Variants in CCDC7 observed in about 807,000 individuals in gnomAD.
CCDC7 encodes the protein coiled-coil domain-containing protein 7.
Under a neutral mutation model 196.9 loss-of-function variants are expected in CCDC7, and 183 were observed. The ratio of observed to expected loss-of-function variants is 0.93; its 90% CI spans 0.82 to 1.05. The LOEUF is 1.05. Among genes scored for constraint, CCDC7 ranks in the 50% least tolerant of loss-of-function variants. CCDC7 has a pLI of 0.00. For missense variants in CCDC7, 1,540 were observed against 1,482.2 expected, an observed-to-expected ratio of 1.04 and a Z score of -0.64; for synonymous variants, 525 against 484.6, an observed-to-expected ratio of 1.08 and a Z score of -1.10.
chr10:32,783,350 T>C (rs559615410), intron 29 of CCDC7, among the ~76,000 whole-genome samples: 1 of 152,200 alleles, frequency 6.6e-6, no homozygotes, highest in Non-Finnish European at 1.5e-5. Context: ...GCAAGTGATT[T>C]GAATAGACAT....
downstream of CCDC7, chr10:32,876,779 C>T (rs1557146): frequency 0.78 from 122,453 of 157,328 alleles, 48,492 homozygotes; most frequent in South Asian, 0.85. Context: ...GTTAAGCATA[C>T]TCTGTAGAAT....
chr10:32,511,266 GGGGC>G lies in CCDC7; in HGVS notation c.873-6675_873-6672del, dbSNP rs2046128012. The stretch of plus-strand genomic sequence containing the variant: ...CAGAATTATTCTGTGGGGGGCGGGG[GGGGC>G]GGGGAAATGTACTTTTTGAATATGT... On this transcript the variant is annotated intron_variant, in intron 9 of 41. Coordinates refer to ENST00000639629, the Ensembl canonical transcript of CCDC7. The G allele has an allele frequency of 1.0e-4, 58 of 555,450 alleles. 1 individual carries two copies. The highest frequency in any genetic ancestry group is 1.4e-4 in the South Asian group (6 of 43,458). The allele number at this position is 555,450 out of a possible 1,614,324, so 34.4% of individuals were successfully genotyped here.
chr10:32,491,570 G>C (rs946106115), intron 8 of CCDC7, among the ~76,000 whole-genome samples: 1 of 152,036 alleles, frequency 6.6e-6, no homozygotes, highest in African/African-American at 2.4e-5. Flanking sequence ...ATCATAAGAA[G>C]GTCACATATG....
intron 28 of CCDC7, among the ~76,000 whole-genome samples, chr10:32,777,500 G>A (rs778344827): frequency 1.3e-5 from 2 of 150,522 alleles, no homozygotes; most frequent in Non-Finnish European, 3.0e-5. Context: ...CCCACCAACA[G>A]TGTGTACATG....
intron 38 of CCDC7, 47 bp downstream of exon 39, chr10:32,847,963 G>A (rs1248256944): frequency 8.3e-7 from 1 of 1,210,408 alleles, no homozygotes; most frequent in East Asian, 2.4e-5. Context: ...TATCTTCTCT[G>A]GGGTTTAAGT....
intron 9 of CCDC7, among the ~76,000 whole-genome samples, chr10:32,503,874 A>G (rs1011973731): frequency 1.4e-5 from 2 of 145,454 alleles, no homozygotes; most frequent in African/African-American, 5.7e-5. Flanking sequence ...GGAATTTCCT[A>G]ATTTTCTTCT....
intron 18 of CCDC7, among the ~76,000 whole-genome samples, chr10:32,626,214 A>G (rs2064023874): frequency 6.6e-6 from 1 of 152,010 alleles, no homozygotes; most frequent in East Asian, 1.9e-4. Flanking sequence ...TTTTCTTCAT[A>G]TCCTGACCAA....
intron 8 of CCDC7, among the ~76,000 whole-genome samples, 187 bp downstream of exon 9, chr10:32,474,210 CTTTTTTTTTTT>C (rs71027095): frequency 2.5e-4 from 15 of 58,968 alleles, no homozygotes; most frequent in African/African-American, 8.1e-4. Flanking sequence ...AAACTAGATT[CTTTTTTTTTTT>C]TTTTTTTTTT....
intron 31 of CCDC7, among the ~76,000 whole-genome samples, chr10:32,818,364 CT>C (rs2089312888): frequency 6.6e-6 from 1 of 151,496 alleles, no homozygotes; most frequent in Admixed American, 6.6e-5. Context: ...TAGAAAGAGA[CT>C]TAGACTCCCA....
intron 18 of CCDC7, among the ~76,000 whole-genome samples, chr10:32,597,021 A>G (rs2060448867): frequency 1.3e-5 from 2 of 152,226 alleles, no homozygotes; most frequent in African/African-American, 2.4e-5. Flanking sequence ...GCTCTTCTCA[A>G]GGAATATCTT....
At chr10:32,816,211 TC>T (rs2088490392) in intron 31 of CCDC7, among the ~76,000 whole-genome samples, 2 of 152,076 alleles carry the variant, frequency 1.3e-5, no homozygotes, top group African/African-American at 4.8e-5. Flanking sequence ...GCTCGGAGGG[TC>T]CTGCGCCCAT....
chr10:32,667,398 C>A (rs938510285), intron 21 of CCDC7, among the ~76,000 whole-genome samples: 1 of 152,098 alleles, frequency 6.6e-6, no homozygotes, highest in South Asian at 2.1e-4. Flanking sequence ...TCAATTTTGG[C>A]TTTTGTTGCC....
chr10:32,838,117 G>T (rs547507428), intron 33 of CCDC7, among the ~76,000 whole-genome samples: 1 of 151,874 alleles, frequency 6.6e-6, no homozygotes, highest in African/African-American at 2.4e-5. Context: ...TAGGTTCAGA[G>T]AATTCAAGGA....
At chr10:32,692,318 AT>A (rs1565160312) in intron 23 of CCDC7, among the ~76,000 whole-genome samples, 2 of 152,182 alleles carry the variant, frequency 1.3e-5, no homozygotes, top group African/African-American at 4.8e-5. Context: ...CATCTGCTGG[AT>A]TTTTCAATTG....
chr10:32,810,926 A>C (rs1016774752), intron 30 of CCDC7, among the ~76,000 whole-genome samples: 18 of 152,152 alleles, frequency 1.2e-4, no homozygotes, highest in Admixed American at 9.8e-4. Context: ...TCACTGAATC[A>C]ATGAAGAGAT....
At chr10:32,814,012 C>T (rs1490466748) in intron 30 of CCDC7, among the ~76,000 whole-genome samples, 1 of 152,060 alleles carries the variant, frequency 6.6e-6, no homozygotes, top group African/African-American at 2.4e-5. Flanking sequence ...GGCTGGAGTG[C>T]AGTGGCATGA....
In CCDC7 at chr10:32,787,742, C is replaced by G. The variant is rs186218853; in HGVS notation, c.3013+8658C>G. On this transcript the variant is annotated intron_variant, in intron 29 of 41. Coordinates refer to ENST00000639629, the Ensembl canonical transcript of CCDC7. The stretch of plus-strand genomic sequence containing the variant: ...GTGGCTCTAGGCTTCTTCAGGCCAG[C>G]TCTGCAAATGCAGTCTCCAGTTTTG... Among the ~76,000 whole-genome samples, 88 of 152,300 alleles carry G rather than the reference C, an allele frequency of 5.8e-4. 3 individuals carry two copies. Among genetic ancestry groups the G allele is most frequent in the Admixed American group, 3.9e-4 (6 of 15,304 alleles).
chr10:32,459,811 A>G lies in CCDC7; in HGVS notation c.457-2872A>G, dbSNP rs1022841811. Among the ~76,000 whole-genome samples the G allele has an allele frequency of 5.9e-5, 9 of 152,194 alleles. No individual in the cohort carries two copies. The South Asian group carries it at 1.9e-3, about 32-fold the overall frequency. ...TCCTGAAGAAAATGAACAAGGCCAA[A>G]GGACCTACCCTAACAGATATCAAGA... On this transcript the variant is annotated intron_variant, in intron 3 of 41. Coordinates refer to ENST00000639629, the Ensembl canonical transcript of CCDC7.
intron 28 of CCDC7, among the ~76,000 whole-genome samples, chr10:32,745,226 A>G (rs1274345335): frequency 1.3e-5 from 2 of 152,188 alleles, no homozygotes; most frequent in African/African-American, 4.8e-5. Flanking sequence ...TGTAGCTAAT[A>G]ATAAGTCAGT....
Sources: gnomAD v4.1 joint callset for allele counts (sites outside exome capture counted in the v4.1 genomes callset) on GRCh38, gnomAD v4.1.1 for gene constraint, MANE v1.5 for transcripts, NCBI Gene and HGNC (gene_info 2026-07-23, HGNC 2026-07-21) for gene names.